Variants in EPHA6 observed in about 807,000 individuals in gnomAD.
EPHA6 encodes ephrin type-A receptor 6.
In EPHA6, 50 loss-of-function variants were observed where a neutral mutation model predicts 112.0. The ratio of observed to expected loss-of-function variants is 0.45; its 90% CI spans 0.36 to 0.56. The LOEUF is 0.56. Ranked by LOEUF, EPHA6 falls within the 20% of genes least tolerant of loss-of-function variation. The pLI, the probability that EPHA6 is intolerant of heterozygous loss-of-function variation, is 0.00. For synonymous variants in EPHA6, 529 were observed against 490.7 expected (o/e 1.08, Z -1.03); for missense variants, 1,280 against 1,417.4 (o/e 0.90, Z 1.56).
chr3:97,729,802 A>G (rs1434472280), intron 15 of EPHA6, among the ~76,000 whole-genome samples: 1 of 152,042 alleles, frequency 6.6e-6, no homozygotes. Flanking sequence ...ATGAATATAA[A>G]TATCCTAATC....
At chr3:97,284,826 C>G (rs746032844) in intron 5 of EPHA6, among the ~76,000 whole-genome samples, 26 of 151,990 alleles carry the variant, frequency 1.7e-4, no homozygotes, top group Admixed American at 6.6e-5. Flanking sequence ...ATTTGTACAC[C>G]AGTGCAATAA....
chr3:97,056,780 A>C (rs192032812), intron 3 of EPHA6, among the ~76,000 whole-genome samples: 1 of 152,078 alleles, frequency 6.6e-6, no homozygotes, highest in Non-Finnish European at 1.5e-5. Context: ...TTAATCTTCC[A>C]TTTCTCTGTA....
At chr3:97,176,950 C>G (rs2076852894) in intron 3 of EPHA6, among the ~76,000 whole-genome samples, 1 of 150,384 alleles carries the variant, frequency 6.6e-6, no homozygotes, top group Non-Finnish European at 1.5e-5. Context: ...TCTTGCTTTT[C>G]TAGTTCTTCA....
chr3:97,111,286 C>A (rs2047716556), intron 3 of EPHA6, among the ~76,000 whole-genome samples: 1 of 152,052 alleles, frequency 6.6e-6, no homozygotes, highest in Non-Finnish European at 1.5e-5. Flanking sequence ...AATATATCCA[C>A]TGAATTGAGT....
intron 2 of EPHA6, among the ~76,000 whole-genome samples, chr3:96,892,730 C>T (rs1205302640): frequency 6.6e-6 from 1 of 151,908 alleles, no homozygotes. Context: ...ATATTTTCTG[C>T]TCATGCATTC....
chr3:97,500,293 T>A (rs4857264), intron 10 of EPHA6, among the ~76,000 whole-genome samples: 19,918 of 151,402 alleles, frequency 0.13, 1,632 homozygotes, highest in Admixed American at 0.25. Context: ...ATTTTTTTTT[T>A]AAAAAAAGAG....
At chr3:97,429,541 A>G (rs1213754482) in intron 6 of EPHA6, among the ~76,000 whole-genome samples, 1 of 152,086 alleles carries the variant, frequency 6.6e-6, no homozygotes, top group Non-Finnish European at 1.5e-5. Flanking sequence ...ATCTGTTCTT[A>G]ATCAGTTTTT....
chr3:96,841,378 G>A (rs202225065), intron 1 of EPHA6, among the ~76,000 whole-genome samples: 2 of 151,986 alleles, frequency 1.3e-5, no homozygotes, highest in East Asian at 3.9e-4. Context: ...TAGTGGTATT[G>A]GGGCCCCATG....
At chr3:97,484,163 G>C in intron 10 of EPHA6, 104 bp downstream of exon 10, 9 of 1,049,246 alleles carry the variant, frequency 8.6e-6, no homozygotes, top group Non-Finnish European at 1.0e-5. Flanking sequence ...TCATTGAAAA[G>C]TTTTAACAAG....
At chr3:97,622,208 G>C (rs1401705156) in intron 13 of EPHA6, among the ~76,000 whole-genome samples, 1 of 151,660 alleles carries the variant, frequency 6.6e-6, no homozygotes, top group African/African-American at 2.4e-5. Flanking sequence ...TACTCATTAG[G>C]TAATTAAACT....
intron 2 of EPHA6, among the ~76,000 whole-genome samples, chr3:96,962,488 C>T (rs2041980686): frequency 6.8e-6 from 1 of 147,418 alleles, no homozygotes; most frequent in South Asian, 2.3e-4. Context: ...GGAATTGCTC[C>T]CAGTTCTAAT....
At chr3:97,156,487 T>A (rs540706377) in intron 3 of EPHA6, among the ~76,000 whole-genome samples, 1 of 152,232 alleles carries the variant, frequency 6.6e-6, no homozygotes, top group Non-Finnish European at 1.5e-5. Flanking sequence ...AAAACAACCC[T>A]GATTAGATTG....
chr3:97,597,218 C>G (rs1016227811), intron 12 of EPHA6, among the ~76,000 whole-genome samples: 2 of 152,084 alleles, frequency 1.3e-5, no homozygotes, highest in Admixed American at 6.6e-5. Context: ...GGTACCCTCT[C>G]TGTTTGCCTG....
At chr3:97,529,073 T>G (rs967879148) in intron 10 of EPHA6, among the ~76,000 whole-genome samples, 1 of 152,128 alleles carries the variant, frequency 6.6e-6, no homozygotes, top group East Asian at 1.9e-4. Context: ...TTGAACACTA[T>G]TACAATAGTT....
At chr3:97,657,375 AACTATTAT>A (rs1415778523) in intron 14 of EPHA6, among the ~76,000 whole-genome samples, 1 of 151,864 alleles carries the variant, frequency 6.6e-6, no homozygotes, top group Non-Finnish European at 1.5e-5. Context: ...TCAAGGAATA[AACTATTAT>A]ACCTTCATCT....
intron 3 of EPHA6, among the ~76,000 whole-genome samples, chr3:97,124,369 A>G (rs1222195046): frequency 6.6e-6 from 1 of 151,944 alleles, no homozygotes; most frequent in African/African-American, 2.4e-5. Flanking sequence ...TATTTTATTA[A>G]GGATTTTGCA....
At chr3:97,478,058 G>A (rs998331294) in intron 8 of EPHA6, among the ~76,000 whole-genome samples, 1 of 151,770 alleles carries the variant, frequency 6.6e-6, no homozygotes, top group Non-Finnish European at 1.5e-5. Context: ...GTTTATGGAG[G>A]GAGTAATTTC....
intron 3 of EPHA6, among the ~76,000 whole-genome samples, chr3:97,024,181 G>A (rs1432425051): frequency 7.3e-6 from 1 of 137,810 alleles, no homozygotes; most frequent in African/African-American, 2.5e-5. Context: ...ATGGAATACA[G>A]TCTTACTTCT....
chr3:97,033,865 G>C (rs1419866496), intron 3 of EPHA6, among the ~76,000 whole-genome samples: 1 of 151,888 alleles, frequency 6.6e-6, no homozygotes, highest in Non-Finnish European at 1.5e-5. Flanking sequence ...CTTTTGTCAA[G>C]TAATGAAAAC....
Sources: allele counts gnomAD v4.1 joint callset (sites outside exome capture counted in the v4.1 genomes callset), GRCh38; gene constraint gnomAD v4.1.1; transcripts MANE v1.5; gene names NCBI Gene and HGNC (gene_info 2026-07-23, HGNC 2026-07-21).